The following CCDC170 variants were observed in gnomAD, a reference collection of about 807,000 sequenced individuals.
CCDC170 encodes the protein coiled-coil domain-containing protein 170.
In CCDC170, 69 loss-of-function variants were observed where a neutral mutation model predicts 72.6. The observed-to-expected ratio is 0.95, with a 90% CI of 0.78 to 1.16. CCDC170 has a LOEUF of 1.16. Among genes scored for constraint, CCDC170 ranks in the 50% most tolerant of loss-of-function variants. The probability of loss-of-function intolerance (pLI) is 0.00; values close to 1 mark genes in which losing one functional copy is unlikely to be tolerated. For synonymous variants in CCDC170, 300 were observed against 303.9 expected (o/e 0.99, Z 0.13); for missense variants, 852 against 832.5 (o/e 1.02, Z -0.29).
chr6:151,564,835 C>T (rs1200411543), intron 5 of CCDC170, among the ~76,000 whole-genome samples: 1 of 152,184 alleles, frequency 6.6e-6, no homozygotes, highest in African/African-American at 2.4e-5. Context: ...TCCTCAGACC[C>T]CCTGGTGGTG....
intron 1 of CCDC170, among the ~76,000 whole-genome samples, chr6:151,525,859 G>A (rs762490678): frequency 6.6e-5 from 10 of 152,176 alleles, no homozygotes; most frequent in Non-Finnish European, 1.5e-4. Context: ...CAGGGTATAT[G>A]CCAAAGTGTC....
At chr6:151,515,481 C>T (rs1275115375) in intron 1 of CCDC170, among the ~76,000 whole-genome samples, 5 of 152,312 alleles carry the variant, frequency 3.3e-5, no homozygotes, top group South Asian at 2.1e-4. Flanking sequence ...CAGGGTCTCA[C>T]CATATTGGCC....
At position 151,544,631 on chromosome 6, in the gene CCDC170, A is replaced by G; in HGVS notation, c.503A>G (p.His168Arg). ...KKQVSKNCRK[H>R]EEFLTQLRDC... is the part of the protein sequence containing the mutation. Reference sequence around the variant, plus strand: ...CAAGTTTCAAAGAATTGCAGGAAACATGAGGAATTTCTGACTCAACTGCGT... The same window carrying G: ...CAAGTTTCAAAGAATTGCAGGAAACGTGAGGAATTTCTGACTCAACTGCGT... The change falls in exon 4 of 11, where the codon CAT becomes CGT. Residue 168 changes from histidine to arginine, a missense_variant. Transcript: ENST00000239374. 6.2e-7 allele frequency: 1 copy of G among 1,613,806 alleles called. No homozygotes were observed. Among genetic ancestry groups the G allele is most frequent in the Non-Finnish European group, 8.5e-7 (1 of 1,179,704 alleles).
chr6:151,552,201 G>C (rs761738434), intron 5 of CCDC170, among the ~76,000 whole-genome samples: 1 of 152,066 alleles, frequency 6.6e-6, no homozygotes, highest in Non-Finnish European at 1.5e-5. Context: ...CTTTTGGCAA[G>C]AATATTATGT....
At chr6:151,549,815 ACT>A (rs1278580102) in intron 5 of CCDC170, among the ~76,000 whole-genome samples, 1 of 152,114 alleles carries the variant, frequency 6.6e-6, no homozygotes, top group African/African-American at 2.4e-5. Flanking sequence ...ATGTTGACAC[ACT>A]CTGCACACTA....
At chr6:151,598,676 TATC>T (rs1776660062) in intron 9 of CCDC170, among the ~76,000 whole-genome samples, 2 of 152,178 alleles carry the variant, frequency 1.3e-5, no homozygotes, top group Non-Finnish European at 2.9e-5. Flanking sequence ...TCCACCCAGT[TATC>T]ATCTCAGAAA....
At chr6:151,613,501 A>C (rs553440983) in intron 9 of CCDC170, among the ~76,000 whole-genome samples, 2 of 152,200 alleles carry the variant, frequency 1.3e-5, no homozygotes, top group East Asian at 3.9e-4. Flanking sequence ...TCCAAGAGAA[A>C]CCCTGTACCC....
At chr6:151,540,301 T>A (rs750248127) in intron 3 of CCDC170, among the ~76,000 whole-genome samples, 5 of 146,184 alleles carry the variant, frequency 3.4e-5, no homozygotes, top group African/African-American at 5.0e-5. Flanking sequence ...AGAGATCACC[T>A]CTCCATGTTT....
In CCDC170 at chr6:151,494,682, G is replaced by T. The variant is rs141671700; in HGVS notation, c.57+497G>T. The stretch of plus-strand genomic sequence containing the variant: ...TGCATCTACTCATTTACTCCCAGGA[G>T]TTACTTAGGTACTGGGGACTTTCAG... On this transcript the variant is annotated intron_variant, in intron 1 of 10. Coordinates refer to ENST00000239374, the MANE Select transcript of CCDC170 (RefSeq NM_025059.4). Among the ~76,000 whole-genome samples the T allele has an allele frequency of 2.4e-3, 366 of 152,312 alleles. 1 individual carries two copies. The highest frequency in any genetic ancestry group is 7.9e-3 in the African/African-American group (328 of 41,566).
chr6:151,596,334 G>C lies in CCDC170; in HGVS notation c.1468-1G>C, dbSNP rs778085417. On this transcript the variant is annotated splice_acceptor_variant, in intron 8 of 10. Coordinates refer to ENST00000239374, the MANE Select transcript of CCDC170 (RefSeq NM_025059.4). LOFTEE classifies it high-confidence loss of function. ...AAAAATCCCTGTTTGCATCAAACCA[G>C]CTAAAGACACAGAAAGAGAGACTGG... 2.5e-6 allele frequency: 4 copies of C among 1,603,722 alleles called. No homozygotes were observed. The highest frequency in any genetic ancestry group is 3.4e-6 in the Non-Finnish European group (4 of 1,176,510).
chr6:151,574,141 A>T (rs2115090801), intron 6 of CCDC170, among the ~76,000 whole-genome samples: 1 of 152,336 alleles, frequency 6.6e-6, no homozygotes, highest in African/African-American at 2.4e-5. Context: ...TGAGCCCACG[A>T]GTTTGAAGCT....
At chr6:151,575,309 G>A (rs1346909701) in intron 6 of CCDC170, among the ~76,000 whole-genome samples, 1 of 151,306 alleles carries the variant, frequency 6.6e-6, no homozygotes, top group Non-Finnish European at 1.5e-5. Context: ...GTTCAGGGTT[G>A]CATTTGTCAA....
At chr6:151,582,956 C>G (rs1287110372) in intron 6 of CCDC170, among the ~76,000 whole-genome samples, 3 of 150,656 alleles carry the variant, frequency 2.0e-5, no homozygotes, top group Non-Finnish European at 4.4e-5. Context: ...CAAATATCCA[C>G]ACTGTATCAG....
intron 9 of CCDC170, among the ~76,000 whole-genome samples, chr6:151,608,750 G>A (rs968182796): frequency 1.3e-5 from 2 of 152,216 alleles, no homozygotes; most frequent in Non-Finnish European, 2.9e-5. Context: ...ACTGCCAGTG[G>A]TCATGGCAGA....
At chr6:151,515,594 T>A (rs1782223502) in intron 1 of CCDC170, among the ~76,000 whole-genome samples, 1 of 152,198 alleles carries the variant, frequency 6.6e-6, no homozygotes, top group African/African-American at 2.4e-5. Flanking sequence ...AAGCCCAGGT[T>A]CTTGTTATAT....
chr6:151,517,010 T>G (rs1325226250), intron 1 of CCDC170, among the ~76,000 whole-genome samples: 1 of 152,190 alleles, frequency 6.6e-6, no homozygotes, highest in Non-Finnish European at 1.5e-5. Flanking sequence ...GCCTGCAGCT[T>G]GATTTTACAA....
At chr6:151,579,474 C>G (rs1776351479) in intron 6 of CCDC170, among the ~76,000 whole-genome samples, 1 of 152,212 alleles carries the variant, frequency 6.6e-6, no homozygotes. Context: ...TTTCTTCTCT[C>G]TGGACACAAG....
chr6:151,590,027 G>C (rs913637435), intron 7 of CCDC170, among the ~76,000 whole-genome samples: 1 of 151,920 alleles, frequency 6.6e-6, no homozygotes, highest in African/African-American at 2.4e-5. Context: ...TATTTTCACC[G>C]AGAGAATGTT....
chr6:151,591,463 G>GC (rs869213916), intron 7 of CCDC170, among the ~76,000 whole-genome samples: 3 of 53,740 alleles, frequency 5.6e-5, no homozygotes, highest in African/African-American at 3.6e-4. Context: ...CGCTGTTTTA[G>GC]GGGGGAGGTG....
Sources: gnomAD v4.1 joint callset for allele counts (sites outside exome capture counted in the v4.1 genomes callset) on GRCh38, gnomAD v4.1.1 for gene constraint, MANE v1.5 for transcripts, NCBI Gene and HGNC (gene_info 2026-07-23, HGNC 2026-07-21) for gene names.